MIA2: variants seen among roughly 807,000 people sequenced by gnomAD.
MIA2 encodes melanoma inhibitory activity protein 2.
A neutral mutation model predicts 167.8 loss-of-function variants in MIA2; 127 were observed. That is an observed-to-expected ratio of 0.76 (90% CI 0.66 to 0.88). MIA2 has a LOEUF of 0.88. MIA2 is among the 40% of genes least tolerant of loss of function. The probability of loss-of-function intolerance (pLI) is 0.00; values close to 1 mark genes in which losing one functional copy is unlikely to be tolerated. For missense variants in MIA2, 1,690 were observed against 1,624.7 expected (o/e 1.04, Z -0.69); for synonymous variants, 552 against 541.9 (o/e 1.02, Z -0.26).
chr14:39,300,280 A>G (rs532239581), intron 14 of MIA2, among the ~76,000 whole-genome samples: 2 of 152,242 alleles, frequency 1.3e-5, no homozygotes, highest in Non-Finnish European at 2.9e-5. Flanking sequence ...TCAGGATGCT[A>G]TCTGCTCCTG....
intron 10 of MIA2, among the ~76,000 whole-genome samples, chr14:39,292,907 T>G (rs1477145903): frequency 1.3e-5 from 2 of 152,188 alleles, no homozygotes; most frequent in African/African-American, 2.4e-5. Flanking sequence ...TTCTTTATAG[T>G]GCTTTTAAGC....
At chr14:39,348,060 G>A (rs781040077) in intron 27 of MIA2, among the ~76,000 whole-genome samples, 9 of 145,996 alleles carry the variant, frequency 6.2e-5, no homozygotes, top group South Asian at 2.1e-4. Flanking sequence ...TGATCCACTC[G>A]CCTTGGCCTC....
chr14:39,298,443 A>ATATATATATATATATATAT (rs1372100362), intron 13 of MIA2, among the ~76,000 whole-genome samples: 2,212 of 49,504 alleles, frequency 0.045, 284 homozygotes, highest in Middle Eastern at 0.057. Context: ...ATATATATAT[A>ATATATATATATATATATAT]AAGATTAGTT....
chr14:39,358,646 A>G (rs980292973), intron 23 of MIA2, among the ~76,000 whole-genome samples: 2 of 151,884 alleles, frequency 1.3e-5, no homozygotes, highest in African/African-American at 4.8e-5. Flanking sequence ...TAGAATTTTC[A>G]GTTTTTCTGG....
rs116721539 is a variant in MIA2 at position 39,264,258 on chromosome 14, G to A, written c.1887+11087G>A. ...GATAATGGCCTCCATCTGCATCCAC[G>A]TTGCTGCAAAGAATGTGACTTCATT... On this transcript the variant is annotated intron_variant, in intron 6 of 28. Transcript: ENST00000640607. Among the ~76,000 whole-genome samples the A allele has an allele frequency of 4.5e-3, 682 of 152,230 alleles. 1 individual carries two copies. Among genetic ancestry groups the A allele is most frequent in the African/African-American group, 0.013 (554 of 41,534 alleles).
At chr14:39,267,596 G>C (rs2056137684) in intron 6 of MIA2, 4 of 1,557,662 alleles carry the variant, frequency 2.6e-6, no homozygotes, top group Non-Finnish European at 3.5e-6. Flanking sequence ...GCAGTAGACC[G>C]GCTTTGGGGT....
At chr14:39,265,560 A>G in intron 6 of MIA2, 1 of 623,776 alleles carries the variant, frequency 1.6e-6, no homozygotes, top group South Asian at 2.2e-5. Context: ...TGTCCTTAAT[A>G]TTTTTAATAT....
intron 3 of MIA2, among the ~76,000 whole-genome samples, chr14:39,243,282 A>G (rs981312512): frequency 1.3e-5 from 2 of 152,274 alleles, no homozygotes; most frequent in Middle Eastern, 3.4e-3. Context: ...GAGAGAGGCA[A>G]GACGATTTGG....
rs1472767550 is a variant in MIA2, at chr14:39,234,092, G to T, written c.-23G>T. On this transcript the variant is annotated 5_prime_UTR_variant, in exon 1 of 29. Coordinates refer to ENST00000640607, the MANE Select transcript of MIA2 (RefSeq NM_001329214.4). ...AACAATTGGCTTAAACTTCACTTGG[G>T]ATTCCCGGTTGCTTGTTTTAGCATG... 1 of 1,499,002 alleles carries T rather than the reference G, an allele frequency of 6.7e-7. No homozygotes were observed. The allele number at this position is 1,499,002 out of a possible 1,614,324, so 92.9% of individuals were successfully genotyped here. A position where few individuals can be genotyped will look rare whatever the true frequency, so the allele number is the denominator to read the frequency against.
In MIA2 at chr14:39,298,282, T is replaced by C. The variant is rs773871126; in HGVS notation, c.2497-1582T>C. Among the ~76,000 whole-genome samples the C allele has an allele frequency of 3.3e-4, 50 of 151,584 alleles. 1 individual carries two copies. Among genetic ancestry groups the C allele is most frequent in the Non-Finnish European group, 1.0e-4 (7 of 67,852 alleles). On this transcript the variant is annotated intron_variant, in intron 13 of 28. Coordinates refer to ENST00000640607, the MANE Select transcript of MIA2 (RefSeq NM_001329214.4). The stretch of plus-strand genomic sequence containing the variant: ...TGATGCCATGTTCTAATGCACTCCT[T>C]CTCTAATGTTTTAATACTGTATACT...
chr14:39,373,322 AAGC>A (rs2074985331), intron 23 of MIA2, among the ~76,000 whole-genome samples: 1 of 151,644 alleles, frequency 6.6e-6, no homozygotes, highest in Non-Finnish European at 1.5e-5. Flanking sequence ...AAAAAAAAAA[AAGC>A]ATGCCACTGA....
chr14:39,308,211 C>A (rs73277478), intron 17 of MIA2, among the ~76,000 whole-genome samples: 2 of 151,910 alleles, frequency 1.3e-5, no homozygotes, highest in Non-Finnish European at 1.5e-5. Flanking sequence ...TATTACACAT[C>A]GAATACCTAT....
At chr14:39,288,427 TTATACATATATATA>T in intron 9 of MIA2, among the ~76,000 whole-genome samples, 1 of 118,008 alleles carries the variant, frequency 8.5e-6, no homozygotes, top group South Asian at 3.0e-4. Context: ...CGTGTATATA[TTATACATATATATA>T]TATATATATA....
intron 3 of MIA2, among the ~76,000 whole-genome samples, chr14:39,243,098 G>C (rs528967284): frequency 4.8e-4 from 72 of 148,746 alleles, no homozygotes; most frequent in African/African-American, 1.8e-3. Flanking sequence ...ACTCCAGCCT[G>C]GGTGACAGAG....
At chr14:39,266,701 C>T in intron 6 of MIA2, 1 of 985,614 alleles carries the variant, frequency 1.0e-6, no homozygotes, top group Non-Finnish European at 1.2e-6. Context: ...ACGGCGGCGG[C>T]TGGCTTCTCG....
rs143004990 is a variant in MIA2 at position 39,254,870 on chromosome 14, A to G, written c.1887+1699A>G. ...GCAGTCGAAATGATTGGAAGGACAA[A>G]TTGGATAGATCTTTTGTAGACAGAA... On this transcript the variant is annotated intron_variant, in intron 6 of 28. Transcript: ENST00000640607. 7.8e-3 allele frequency among the ~76,000 whole-genome samples: 1,185 copies of G among 152,278 alleles called. 12 individuals are homozygous for G. The highest frequency in any genetic ancestry group is 0.024 in the Middle Eastern group (7 of 294).
In MIA2 at chr14:39,294,151, C is replaced by T. The variant is rs1473033396; in HGVS notation, c.2391+80C>T. 13 of 1,003,214 alleles carry T rather than the reference C, an allele frequency of 1.3e-5. No individual in the cohort carries two copies. In the African/African-American group the frequency reaches 1.4e-4, roughly 10 times the overall value. The allele number at this position is 1,003,214 out of a possible 1,614,324, so 62.1% of individuals were successfully genotyped here. A position where few individuals can be genotyped will look rare whatever the true frequency, so the allele number is the denominator to read the frequency against. On this transcript the variant is annotated intron_variant, in intron 12 of 28. Coordinates refer to ENST00000640607, the MANE Select transcript of MIA2 (RefSeq NM_001329214.4). ...TTTTTTAAAATTAAGAAATAAGACA[C>T]AATAGTAGGATTTGAGATATAGGGG...
intron 25 of MIA2, 113 bp from the exon 26 acceptor site, chr14:39,345,791 G>A (rs2073109035): frequency 3.9e-6 from 3 of 773,940 alleles, no homozygotes; most frequent in African/African-American, 3.5e-5. Context: ...CCAAGAAGAT[G>A]ATGAGTTTAA....
At chr14:39,286,240 G>A (rs1278907799) in intron 9 of MIA2, among the ~76,000 whole-genome samples, 1 of 152,228 alleles carries the variant, frequency 6.6e-6, no homozygotes, top group East Asian at 1.9e-4. Flanking sequence ...GTTAGGAGCT[G>A]GAGACCAGCC....
Sources: gnomAD v4.1 joint callset for allele counts (sites outside exome capture counted in the v4.1 genomes callset) on GRCh38, gnomAD v4.1.1 for gene constraint, MANE v1.5 for transcripts, NCBI Gene and HGNC (gene_info 2026-07-23, HGNC 2026-07-21) for gene names.